PTCSC3: variants seen among roughly 807,000 people sequenced by gnomAD.
PTCSC3 encodes papillary thyroid carcinoma susceptibility candidate 3, also known as papillary thyroid carcinoma susceptibility candidate 3 (non-protein coding).
chr14:36,146,352 T>C (rs1229696233), intron 3 of PTCSC3, among the ~76,000 whole-genome samples: 1 of 149,152 alleles, frequency 6.7e-6, no homozygotes, highest in Non-Finnish European at 1.5e-5. Context: ...GCTCCTATAT[T>C]GGGTGCATAT....
intron 2 of PTCSC3, among the ~76,000 whole-genome samples, chr14:36,159,342 G>T (rs1396645456): frequency 3.3e-5 from 5 of 151,942 alleles, no homozygotes; most frequent in African/African-American, 4.8e-5. Context: ...TGATGTTAGG[G>T]TGTTGATTTT....
At chr14:36,168,937 T>C (rs945384074) in intron 1 of PTCSC3, among the ~76,000 whole-genome samples, 27 of 152,136 alleles carry the variant, frequency 1.8e-4, no homozygotes, top group African/African-American at 6.5e-4. Flanking sequence ...ATTTTAAGAA[T>C]AGCTTAGAAC....
intron 2 of PTCSC3, among the ~76,000 whole-genome samples, chr14:36,155,817 T>C (rs1379824631): frequency 6.6e-6 from 1 of 152,152 alleles, no homozygotes; most frequent in East Asian, 1.9e-4. Flanking sequence ...TATATATATG[T>C]ATATATTTAA....
At position 36,156,536 on chromosome 14, in the gene PTCSC3, A is replaced by G. The variant is rs541261475; in HGVS notation, n.232-2642T>C. ...CATCCGCCCGTCATCTACATTAGGTATTTCTCCTAATAGTATCTCTCCCCT... is the reference window on the plus strand; with the variant it reads ...CATCCGCCCGTCATCTACATTAGGTGTTTCTCCTAATAGTATCTCTCCCCT... On this transcript the variant is annotated intron_variant and non_coding_transcript_variant, in intron 2 of 3. Coordinates refer to ENST00000556013, the Ensembl canonical transcript of PTCSC3. Among the ~76,000 whole-genome samples the G allele has an allele frequency of 4.6e-5, 7 of 152,072 alleles. No homozygotes were observed. The South Asian group carries it at 1.5e-3, about 32-fold the overall frequency.
chr14:36,142,227 A>G (rs1881439916), intron 3 of PTCSC3, among the ~76,000 whole-genome samples: 1 of 152,222 alleles, frequency 6.6e-6, no homozygotes, highest in South Asian at 2.1e-4. Context: ...AGTTCTGATC[A>G]TGAATAAATG....
At chr14:36,161,936 G>C (rs1007876792) in intron 2 of PTCSC3, among the ~76,000 whole-genome samples, 2 of 152,204 alleles carry the variant, frequency 1.3e-5, no homozygotes, top group Non-Finnish European at 2.9e-5. Flanking sequence ...GACGCAGTCT[G>C]GCTGCAGTGG....
chr14:36,153,409 C>T (rs778942827), intron 3 of PTCSC3, among the ~76,000 whole-genome samples: 10 of 152,166 alleles, frequency 6.6e-5, no homozygotes, highest in Non-Finnish European at 1.0e-4. Flanking sequence ...CCTAACTCTA[C>T]GCATCCATCA....
intron 1 of PTCSC3, among the ~76,000 whole-genome samples, chr14:36,170,294 G>A (rs118151129): frequency 0.015 from 2,286 of 151,978 alleles, 32 homozygotes; most frequent in South Asian, 0.032. Context: ...AGTTCAAACC[G>A]ATTTCTCAGT....
At chr14:36,138,299 G>A (rs1324994000) in intron 3 of PTCSC3, among the ~76,000 whole-genome samples, 6 of 152,132 alleles carry the variant, frequency 3.9e-5, no homozygotes, top group Non-Finnish European at 8.8e-5. Context: ...TATGTCCTTG[G>A]TATAGGCAAA....
intron 3 of PTCSC3, among the ~76,000 whole-genome samples, chr14:36,143,878 G>C (rs2139090596): frequency 6.7e-6 from 1 of 149,190 alleles, no homozygotes; most frequent in African/African-American, 2.5e-5. Context: ...TCTACATATG[G>C]CTAGCCAGTT....
At chr14:36,159,142 CT>C (rs1344809944) in intron 2 of PTCSC3, among the ~76,000 whole-genome samples, 2 of 150,590 alleles carry the variant, frequency 1.3e-5, no homozygotes, top group African/African-American at 2.4e-5. Context: ...ATTCTTCTCT[CT>C]TTTATTAGTC....
rs548738709 is a variant in PTCSC3 at position 36,141,856 on chromosome 14, A to C, written n.323-5500T>G. On this transcript the variant is annotated intron_variant and non_coding_transcript_variant, in intron 3 of 3. Transcript: ENST00000556013. ...CAATTGTTTATTGATGGTATGTAGG[A>C]AAGTTATTGACTTTAATATATTAAC... Among the ~76,000 whole-genome samples the C allele has an allele frequency of 5.9e-5, 9 of 152,318 alleles. No individual in the cohort carries two copies. The East Asian group carries it at 1.7e-3, about 29-fold the overall frequency.
rs574365212 is a variant in PTCSC3, at chr14:36,138,048, G to A, written n.323-1692C>T. On this transcript the variant is annotated intron_variant and non_coding_transcript_variant, in intron 3 of 3. Transcript: ENST00000556013. ...CACTCTGATATTTAACATCTGGGGTGGTGAGGAAGAAATGGTAAAGGAGAG... is the reference window on the plus strand; with the variant it reads ...CACTCTGATATTTAACATCTGGGGTAGTGAGGAAGAAATGGTAAAGGAGAG... 2.2e-4 allele frequency among the ~76,000 whole-genome samples: 33 copies of A among 152,218 alleles called. No individual in the cohort carries two copies. The South Asian group carries it at 6.9e-3, about 32-fold the overall frequency.
intron 1 of PTCSC3, among the ~76,000 whole-genome samples, chr14:36,172,543 C>G (rs1225518899): frequency 6.6e-6 from 1 of 151,946 alleles, no homozygotes; most frequent in Non-Finnish European, 1.5e-5. Context: ...GTTTCTTATC[C>G]TCCCTCCTCA....
chr14:36,174,442 T>G (rs1354329960), intron 1 of PTCSC3, among the ~76,000 whole-genome samples: 1 of 152,162 alleles, frequency 6.6e-6, no homozygotes, highest in Non-Finnish European at 1.5e-5. Context: ...GTTTTCCATT[T>G]GATTACTCAT....
intron 3 of PTCSC3, among the ~76,000 whole-genome samples, chr14:36,137,944 G>A (rs189414798): frequency 6.6e-5 from 10 of 152,304 alleles, no homozygotes; most frequent in Middle Eastern, 3.4e-3. Context: ...CGTATTGATA[G>A]CAATAAAGTC....
At chr14:36,141,312 G>C (rs1881415214) in intron 3 of PTCSC3, among the ~76,000 whole-genome samples, 1 of 152,034 alleles carries the variant, frequency 6.6e-6, no homozygotes, top group African/African-American at 2.4e-5. Context: ...TGAATCTATA[G>C]ATCAAGTTGG....
intron 3 of PTCSC3, among the ~76,000 whole-genome samples, chr14:36,141,496 G>T (rs1881419867): frequency 6.6e-6 from 1 of 151,838 alleles, no homozygotes; most frequent in Non-Finnish European, 1.5e-5. Context: ...GGGATTACAG[G>T]CACATGCCAC....
intron 3 of PTCSC3, among the ~76,000 whole-genome samples, chr14:36,143,590 T>G (rs1881479508): frequency 6.7e-6 from 1 of 149,324 alleles, no homozygotes; most frequent in Non-Finnish European, 1.5e-5. Flanking sequence ...TGCGAAAATT[T>G]TCTCCCATTC....
Sources: allele counts gnomAD v4.1 joint callset (sites outside exome capture counted in the v4.1 genomes callset), GRCh38; gene constraint gnomAD v4.1.1; transcripts MANE v1.5; gene names NCBI Gene and HGNC (gene_info 2026-07-23, HGNC 2026-07-21).